The following ABCD2 variants were observed in gnomAD, a reference collection of about 807,000 sequenced individuals.
The protein encoded by ABCD2 is ATP binding cassette subfamily D member 2.
Under a neutral mutation model 70.9 loss-of-function variants are expected in ABCD2, and 36 were observed. The observed-to-expected ratio is 0.51, with a 90% CI of 0.39 to 0.67. The LOEUF (loss-of-function observed/expected upper bound fraction) is 0.67. ABCD2 is among the 30% of genes least tolerant of loss of function. ABCD2 has a pLI of 0.00. For synonymous variants in ABCD2, 304 were observed against 306.9 expected (o/e 0.99, Z 0.10); for missense variants, 729 against 890.2 (o/e 0.82, Z 2.30).
intron 2 of ABCD2, among the ~76,000 whole-genome samples, chr12:39,609,970 A>G (rs1207620850): frequency 6.6e-6 from 1 of 152,132 alleles, no homozygotes; most frequent in Non-Finnish European, 1.5e-5. Context: ...CTAAACAATT[A>G]TGTAGGGAAG....
chr12:39,579,639 A>G lies in ABCD2; in HGVS notation c.1793-20T>C. On this transcript the variant is annotated intron_variant, in intron 7 of 9. Transcript: ENST00000308666. ...CCCATCCTTAAGAAAATAAAAAAAT[A>G]TACATTTTTATAAATCATTTGTTTA... 1.3e-6 allele frequency: 2 copies of G among 1,541,516 alleles called. No homozygotes were observed. Among genetic ancestry groups the G allele is most frequent in the Non-Finnish European group, 1.8e-6 (2 of 1,124,358 alleles).
At chr12:39,602,420 C>T in intron 5 of ABCD2, among the ~76,000 whole-genome samples, 1 of 152,014 alleles carries the variant, frequency 6.6e-6, no homozygotes, top group East Asian at 1.9e-4. Flanking sequence ...TCTCAAAGGG[C>T]TGAGATTACA....
At chr12:39,536,847 T>C in the ABCD2 span, among the ~76,000 whole-genome samples, 1 of 152,192 alleles carries the variant, frequency 6.6e-6, no homozygotes, top group African/African-American at 2.4e-5. Flanking sequence ...ACCAATTAAT[T>C]TGGTTAGGCT....
At chr12:39,598,611 G>T (rs181243456) in intron 6 of ABCD2, among the ~76,000 whole-genome samples, 26 of 152,002 alleles carry the variant, frequency 1.7e-4, no homozygotes, top group African/African-American at 5.8e-4. Flanking sequence ...TGTTGGTCAG[G>T]CTGGTCTCAA....
chr12:39,543,180 T>C, the ABCD2 span, among the ~76,000 whole-genome samples: 1 of 152,036 alleles, frequency 6.6e-6, no homozygotes, highest in African/African-American at 2.4e-5. Flanking sequence ...AAAATCCAAT[T>C]TTTCATCCCA....
rs764217602 is a variant in ABCD2, at chr12:39,619,646, G to C, written c.-31C>G. 6.3e-7 allele frequency: 1 copy of C among 1,576,934 alleles called. No homozygotes were observed. Among genetic ancestry groups the C allele is most frequent in the Admixed American group, 1.8e-5 (1 of 56,538 alleles). On this transcript the variant is annotated 5_prime_UTR_variant, in exon 1 of 10. Transcript: ENST00000308666. ...CAGTTACCCAAACCGGCTTCCAAAA[G>C]AATTCGTTTTAAAAGATCATGCTTC... is the stretch of plus-strand genomic sequence containing the variant.
At chr12:39,538,853 T>G in the ABCD2 span, among the ~76,000 whole-genome samples, 1 of 152,088 alleles carries the variant, frequency 6.6e-6, no homozygotes, top group Non-Finnish European at 1.5e-5. Context: ...CCCCTGAAGA[T>G]CTGAAGATCG....
At chr12:39,547,740 T>C (rs1479564122), downstream of ABCD2, among the ~76,000 whole-genome samples, 1 of 152,098 alleles carries the variant, frequency 6.6e-6, no homozygotes, top group Non-Finnish European at 1.5e-5. Flanking sequence ...CATAACAATA[T>C]GAATATAGTT....
At chr12:39,557,667 G>T (rs1249163855) in intron 9 of ABCD2, among the ~76,000 whole-genome samples, 1 of 152,092 alleles carries the variant, frequency 6.6e-6, no homozygotes, top group African/African-American at 2.4e-5. Flanking sequence ...TTGCTGCTTT[G>T]TGCAGTCTCA....
chr12:39,591,275 T>G (rs1205245939), intron 6 of ABCD2, among the ~76,000 whole-genome samples: 2 of 152,150 alleles, frequency 1.3e-5, no homozygotes, highest in Non-Finnish European at 2.9e-5. Context: ...AAAAAATGTG[T>G]GATAATAAGA....
chr12:39,610,972 C>T (rs1054892915), intron 2 of ABCD2, among the ~76,000 whole-genome samples: 1 of 152,098 alleles, frequency 6.6e-6, no homozygotes, highest in African/African-American at 2.4e-5. Flanking sequence ...TCAATACATT[C>T]TTTTTGTCCT....
At chr12:39,557,124 T>C (rs554124664) in intron 9 of ABCD2, among the ~76,000 whole-genome samples, 1 of 152,214 alleles carries the variant, frequency 6.6e-6, no homozygotes, top group Non-Finnish European at 1.5e-5. Context: ...TTGAATTGCT[T>C]TGACCAAAAT....
chr12:39,585,671 C>A (rs954503612), intron 7 of ABCD2, among the ~76,000 whole-genome samples: 9 of 151,986 alleles, frequency 5.9e-5, no homozygotes, highest in Non-Finnish European at 1.0e-4. Context: ...TGCTGAAAAA[C>A]CACAATACAG....
Position 39,604,949 on chromosome 12 carries a change from T to C in ABCD2, c.1237-19A>G. On this transcript the variant is annotated intron_variant, in intron 3 of 9. Transcript: ENST00000308666. ...CAGTGACCTAAAAGCAACACAGAGA[T>C]ATAAAATAGAGTTACTATATCCAAG... The C allele has an allele frequency of 6.5e-7, 1 of 1,545,966 alleles. No homozygotes were observed. Among genetic ancestry groups the C allele is most frequent in the Non-Finnish European group, 8.7e-7 (1 of 1,151,030 alleles).
chr12:39,547,659 G>A (rs1941038760), downstream of ABCD2, among the ~76,000 whole-genome samples: 1 of 152,070 alleles, frequency 6.6e-6, no homozygotes, highest in South Asian at 2.1e-4. Flanking sequence ...GGAACTAGGG[G>A]TTGGAGAAAA....
chr12:39,552,401 A>G lies in ABCD2; in HGVS notation c.*1511T>C, dbSNP rs922139163. 6.6e-6 allele frequency: 1 copy of G among 151,946 alleles called. No individual in the cohort carries two copies. Among genetic ancestry groups the G allele is most frequent in the African/African-American group, 2.4e-5 (1 of 41,434 alleles). 9.4% of individuals were successfully genotyped at this position (151,946 alleles called of 1,614,324 possible). A position where few individuals can be genotyped will look rare whatever the true frequency, so the allele number is the denominator to read the frequency against. Reference sequence around the variant, plus strand: ...GCCACTAACAACTGATCATTCCAATATTCTTCTGGTATGTCAATGTGGTAT... The same window carrying G: ...GCCACTAACAACTGATCATTCCAATGTTCTTCTGGTATGTCAATGTGGTAT... On this transcript the variant is annotated 3_prime_UTR_variant, in exon 10 of 10. Transcript: ENST00000308666.
chr12:39,585,082 T>C (rs1166562176), intron 7 of ABCD2, among the ~76,000 whole-genome samples: 1 of 152,232 alleles, frequency 6.6e-6, no homozygotes, highest in Non-Finnish European at 1.5e-5. Context: ...TTGATAGGAA[T>C]AGCATTGAAT....
At chr12:39,565,816 TTA>T (rs1420171182) in intron 9 of ABCD2, among the ~76,000 whole-genome samples, 1 of 152,218 alleles carries the variant, frequency 6.6e-6, no homozygotes, top group Non-Finnish European at 1.5e-5. Flanking sequence ...AATACCTAAT[TTA>T]TTGAGAGTTT....
At chr12:39,618,466 A>C (rs1371398515) in intron 1 of ABCD2, among the ~76,000 whole-genome samples, 1 of 152,176 alleles carries the variant, frequency 6.6e-6, no homozygotes, top group Non-Finnish European at 1.5e-5. Flanking sequence ...TATTCTTCTG[A>C]AACTTTAGAA....
Sources: allele counts gnomAD v4.1 joint callset (sites outside exome capture counted in the v4.1 genomes callset), GRCh38; gene constraint gnomAD v4.1.1; transcripts MANE v1.5; gene names NCBI Gene and HGNC (gene_info 2026-07-23, HGNC 2026-07-21).